GMFG: variants seen among roughly 807,000 people sequenced by gnomAD.
GMFG encodes glia maturation factor gamma.
GMFG carries 21 observed loss-of-function variants against 26.1 expected under a neutral mutation model. That is an observed-to-expected ratio of 0.80 (90% confidence interval 0.57 to 1.16). The LOEUF (loss-of-function observed/expected upper bound fraction) is 1.16, where lower values mean the gene tolerates loss of function less well. Ranked by LOEUF, GMFG falls within the 50% of genes most tolerant of loss-of-function variation. The probability of loss-of-function intolerance (pLI) is 0.00; values close to 1 mark genes in which losing one functional copy is unlikely to be tolerated. For synonymous variants in GMFG, 65 were observed against 60.8 expected (o/e 1.07, Z -0.32); for missense variants, 161 against 178.3 (o/e 0.90, Z 0.55).
Position 39,335,448 on chromosome 19 carries a change from A to G in GMFG, c.87T>C (p.Asn29=). The G allele has an allele frequency of 6.2e-7, 1 of 1,612,812 alleles. No individual in the cohort carries two copies. The highest frequency in any genetic ancestry group is 8.5e-7 in the Non-Finnish European group (1 of 1,178,934). The change falls in exon 2 of 7, where the codon AAT becomes AAC. Residue 29 remains asparagine (N), a synonymous_variant. Coordinates refer to ENST00000597595, the MANE Select transcript of GMFG (RefSeq NM_004877.4). The part of the protein sequence containing the change: ...RKFRFRKETD[N]AAIIMKVDKD... ...GATGTCACTCACTTATGATGGCTGC[A>G]TTGTCTGTCTCTTTTCGGAAGCGGA...
At chr19:39,333,632 T>G (rs918523026) in intron 3 of GMFG, among the ~76,000 whole-genome samples, 5 of 150,314 alleles carry the variant, frequency 3.3e-5, no homozygotes. Context: ...GCACTTACCA[T>G]GTGCCAAGGC....
chr19:39,329,117 C>A, intron 5 of GMFG, 44 bp from the exon 6 acceptor site: 1 of 1,383,398 alleles, frequency 7.2e-7, no homozygotes, highest in East Asian at 2.3e-5. Context: ...GGGACCCAGG[C>A]GTGTTCTCTA....
rs1190735033 is a variant in GMFG, at chr19:39,328,548, C to A, written c.358G>T (p.Val120Leu). ...TCATCAGTGGTGCGGATTTCGAACACCTGGGCAGAGAGAGGTCTCGGCATT... is the reference window on the plus strand; with the variant it reads ...TCATCAGTGGTGCGGATTTCGAACAACTGGGCAGAGAGAGGTCTCGGCATT... The part of the protein sequence containing the change: ...RLVQTAELTK[V>L]FEIRTTDDLT... Residue 120 changes from valine to leucine, a missense_variant and splice_region_variant, in exon 7 of 7, where the codon GTG (valine) becomes TTG (leucine). Coordinates refer to ENST00000597595, the MANE Select transcript of GMFG (RefSeq NM_004877.4). The A allele has an allele frequency of 6.2e-7, 1 of 1,609,918 alleles. No homozygotes were observed. The highest frequency in any genetic ancestry group is 1.7e-5 in the Admixed American group (1 of 59,984).
intron 3 of GMFG, among the ~76,000 whole-genome samples, chr19:39,334,840 T>C (rs1344197892): frequency 6.6e-6 from 1 of 152,072 alleles, no homozygotes; most frequent in Non-Finnish European, 1.5e-5. Context: ...CAGGGTTTTT[T>C]GTTTTTTTGT....
rs557951854 is a variant in GMFG, at chr19:39,332,818, CCA to C, written c.200+257_200+258del. On this transcript the variant is annotated intron_variant, in intron 4 of 6. Coordinates refer to ENST00000597595, the MANE Select transcript of GMFG (RefSeq NM_004877.4). ...GGATTACAGTCACATGCCACCACGC[CCA>C]GTTAATTTTTGTATTTTTAGTAGAG... 1.2e-4 allele frequency: 33 copies of C among 285,432 alleles called. No individual in the cohort carries two copies. The Admixed American group carries it at 1.8e-3, about 15-fold the overall frequency. The allele number at this position is 285,432 out of a possible 1,614,324, so 17.7% of individuals were successfully genotyped here. A position where few individuals can be genotyped will look rare whatever the true frequency, so the allele number is the denominator to read the frequency against.
Position 39,335,918 on chromosome 19 carries a change from A to G in GMFG, c.3+56T>C, listed in dbSNP as rs369627311. ...CCTGACCTTCGCCCAGGTGTCCTCC[A>G]AGCCCCAGCCCCAACCCCAGCCCCA... is the stretch of plus-strand genomic sequence containing the variant. On this transcript the variant is annotated intron_variant, in intron 1 of 6. Coordinates refer to ENST00000597595, the MANE Select transcript of GMFG (RefSeq NM_004877.4). 1.0e-5 allele frequency: 13 copies of G among 1,267,496 alleles called. No individual in the cohort carries two copies. In the East Asian group the frequency reaches 1.2e-4, roughly 11 times the overall value. The allele number at this position is 1,267,496 out of a possible 1,614,324, so 78.5% of individuals were successfully genotyped here.
At chr19:39,329,680 C>T (rs560035206) in intron 4 of GMFG, 54 bp from the exon 5 acceptor site, 4 of 1,091,260 alleles carry the variant, frequency 3.7e-6, no homozygotes, top group Middle Eastern at 2.0e-4. Flanking sequence ...CCAGGCTTAA[C>T]AGCCATTACC....
chr19:39,330,629 C>G (rs944146579), intron 4 of GMFG, among the ~76,000 whole-genome samples: 1 of 148,694 alleles, frequency 6.7e-6, no homozygotes, highest in African/African-American at 2.5e-5. Flanking sequence ...CAGGGTCTCA[C>G]TTTGTCACCC....
chr19:39,329,124 T>C (rs1224249256), intron 5 of GMFG, 51 bp from the exon 6 acceptor site: 2 of 1,283,588 alleles, frequency 1.6e-6, no homozygotes, highest in Non-Finnish European at 2.3e-6. Flanking sequence ...AGGCGTGTTC[T>C]CTAAAGCTCT....
chr19:39,331,670 G>A (rs1253683291), intron 4 of GMFG, among the ~76,000 whole-genome samples: 1 of 152,170 alleles, frequency 6.6e-6, no homozygotes, highest in Non-Finnish European at 1.5e-5. Context: ...AGTTACTTGG[G>A]AGGCTGAGGC....
intron 3 of GMFG, 126 bp downstream of exon 3, chr19:39,335,135 G>A (rs1009889869): frequency 8.3e-6 from 6 of 726,396 alleles, no homozygotes; most frequent in Non-Finnish European, 1.4e-5. Context: ...ACAGGCATGA[G>A]CCACTGTGCT....
intron 6 of GMFG, 61 bp downstream of exon 6, chr19:39,328,939 C>A: frequency 8.2e-7 from 1 of 1,222,220 alleles, no homozygotes; most frequent in South Asian, 1.2e-5. Context: ...TCCCTCTTCC[C>A]TCAGACCCAG....
chr19:39,328,450 TC>T lies in GMFG; in HGVS notation c.*26del. 1 of 1,516,064 alleles carries T rather than the reference TC, an allele frequency of 6.6e-7. No individual in the cohort carries two copies. The highest frequency in any genetic ancestry group is 9.2e-7 in the Non-Finnish European group (1 of 1,090,666). 93.9% of individuals were successfully genotyped at this position (1,516,064 alleles called of 1,614,324 possible). Reference sequence around the variant, plus strand: ...CCCAGTCACCTTGAGGACTCAGACATCAGGAATTCAGTCCCCAGCCCAGAGA... The same window carrying T: ...CCCAGTCACCTTGAGGACTCAGACATAGGAATTCAGTCCCCAGCCCAGAGA... On this transcript the variant is annotated 3_prime_UTR_variant, in exon 7 of 7. Coordinates refer to ENST00000597595, the MANE Select transcript of GMFG (RefSeq NM_004877.4).
At chr19:39,329,106 G>T (rs757672951) in intron 5 of GMFG, 33 bp from the exon 6 acceptor site, 3 of 1,477,100 alleles carry the variant, frequency 2.0e-6, no homozygotes, top group East Asian at 4.5e-5. Context: ...GCACATCAGT[G>T]GGGACCCAGG....
chr19:39,329,008 G>A lies in GMFG; in HGVS notation c.349C>T (p.Leu117Phe). The change falls in exon 6 of 7, where the codon CTC becomes TTC. Residue 117 changes from leucine to phenylalanine, a missense_variant. By Grantham distance (22) the Leu-to-Phe change is conservative. Coordinates refer to ENST00000597595, the MANE Select transcript of GMFG (RefSeq NM_004877.4). Reference protein sequence around the residue: ...SKNRLVQTAELTKVFEIRTTD... With the variant: ...SKNRLVQTAEFTKVFEIRTTD... Reference sequence around the variant, plus strand: ...CCCATCCCAGTCTGAACCTTTGTGAGCTCTGCTGTCTGCACCAGCCTGTTT... The same window carrying A: ...CCCATCCCAGTCTGAACCTTTGTGAACTCTGCTGTCTGCACCAGCCTGTTT... 6.2e-7 allele frequency: 1 copy of A among 1,610,726 alleles called. No individual in the cohort carries two copies. Among genetic ancestry groups the A allele is most frequent in the South Asian group, 1.1e-5 (1 of 91,004 alleles).
rs930030762 is a variant in GMFG, at chr19:39,328,989, C to T, written c.357+11G>A. 6.3e-7 allele frequency: 1 copy of T among 1,598,142 alleles called. No homozygotes were observed. Among genetic ancestry groups the T allele is most frequent in the Non-Finnish European group, 8.6e-7 (1 of 1,165,328 alleles). The stretch of plus-strand genomic sequence containing the variant: ...CTCCCTAACACTCTGGAGCCCCATC[C>T]CAGTCTGAACCTTTGTGAGCTCTGC... On this transcript the variant is annotated intron_variant, in intron 6 of 6. Coordinates refer to ENST00000597595, the MANE Select transcript of GMFG (RefSeq NM_004877.4).
Position 39,335,436 on chromosome 19 carries a change from T to C in GMFG, c.99A>G (p.Ile33Met). The C allele has an allele frequency of 6.2e-7, 1 of 1,611,254 alleles. No homozygotes were observed. The highest frequency in any genetic ancestry group is 8.5e-7 in the Non-Finnish European group (1 of 1,177,362). The change falls in exon 2 of 7, where the codon ATA (isoleucine) becomes ATG (methionine). Residue 33 changes from isoleucine to methionine, a missense_variant and splice_region_variant. Coordinates refer to ENST00000597595, the MANE Select transcript of GMFG (RefSeq NM_004877.4). ...FRKETDNAAI[I>M]MKVDKDRQMV... ...TCTGTGGGGGAAGATGTCACTCACTTATGATGGCTGCATTGTCTGTCTCTT... is the reference window on the plus strand; with the variant it reads ...TCTGTGGGGGAAGATGTCACTCACTCATGATGGCTGCATTGTCTGTCTCTT...
At chr19:39,335,616 AAG>A in intron 1 of GMFG, 85 bp from the exon 2 acceptor site, 1 of 926,152 alleles carries the variant, frequency 1.1e-6, no homozygotes, top group South Asian at 1.3e-5. Context: ...TCCACTAATG[AAG>A]AGGAGCATCG....
At chr19:39,335,174 A>G (rs1008326798) in intron 3 of GMFG, 87 bp downstream of exon 3, 11 of 1,056,274 alleles carry the variant, frequency 1.0e-5, no homozygotes, top group Admixed American at 4.7e-5. Flanking sequence ...TTCTACCCCC[A>G]TGCCAGGCTC....
Sources: allele counts gnomAD v4.1 joint callset (sites outside exome capture counted in the v4.1 genomes callset), GRCh38; gene constraint gnomAD v4.1.1; transcripts MANE v1.5; gene names NCBI Gene and HGNC (gene_info 2026-07-23, HGNC 2026-07-21).